MEGF10: variants seen among roughly 807,000 people sequenced by gnomAD.
The protein encoded by MEGF10 is multiple epidermal growth factor-like domains protein 10.
In MEGF10, 86 loss-of-function variants were observed where a neutral mutation model predicts 147.5. The observed-to-expected ratio is 0.58, with a 90% CI of 0.49 to 0.70. The LOEUF (loss-of-function observed/expected upper bound fraction) is 0.70. MEGF10 is among the 30% of genes least tolerant of loss of function. The probability of loss-of-function intolerance (pLI) is 0.00; values close to 1 mark genes in which losing one functional copy is unlikely to be tolerated. For synonymous variants in MEGF10, 478 were observed against 525.5 expected, an observed-to-expected ratio of 0.91 and a Z score of 1.24; for missense variants, 1,329 against 1,487.3, an observed-to-expected ratio of 0.89 and a Z score of 1.75.
intron 4 of MEGF10, among the ~76,000 whole-genome samples, chr5:127,352,909 G>A (rs1002724654): frequency 3.3e-5 from 5 of 152,204 alleles, no homozygotes; most frequent in African/African-American, 7.2e-5. Context: ...TCCCATGGAT[G>A]TGCCCAGCAG....
intron 1 of MEGF10, among the ~76,000 whole-genome samples, chr5:127,317,167 T>C (rs138459343): frequency 2.7e-3 from 412 of 152,288 alleles, no homozygotes; most frequent in Admixed American, 6.5e-3. Flanking sequence ...AAGGGGAGTG[T>C]GGGGTTGTTT....
intron 2 of MEGF10, among the ~76,000 whole-genome samples, chr5:127,336,222 TA>T (rs1353493668): frequency 6.6e-6 from 1 of 151,830 alleles, no homozygotes; most frequent in Non-Finnish European, 1.5e-5. Context: ...AAAATAATTT[TA>T]ATGAGTAAAG....
At chr5:127,380,986 A>T (rs1763237328) in intron 5 of MEGF10, among the ~76,000 whole-genome samples, 1 of 152,148 alleles carries the variant, frequency 6.6e-6, no homozygotes, top group South Asian at 2.1e-4. Context: ...TTATAATGTA[A>T]ACATCAAGGT....
At chr5:127,437,693 AT>A (rs1283094915) in intron 16 of MEGF10, among the ~76,000 whole-genome samples, 2 of 152,158 alleles carry the variant, frequency 1.3e-5, no homozygotes, top group African/African-American at 4.8e-5. Flanking sequence ...TAATGATTTA[AT>A]TGTATTATTT....
At chr5:127,406,020 C>T (rs896225886) in intron 8 of MEGF10, among the ~76,000 whole-genome samples, 9 of 152,082 alleles carry the variant, frequency 5.9e-5, no homozygotes, top group African/African-American at 2.2e-4. Flanking sequence ...ATCCATTTAA[C>T]ATCTTATTAT....
intron 4 of MEGF10, among the ~76,000 whole-genome samples, chr5:127,354,730 A>G (rs1762216126): frequency 6.6e-6 from 1 of 152,154 alleles, no homozygotes; most frequent in Non-Finnish European, 1.5e-5. Flanking sequence ...GAGAAGTTAT[A>G]TTTACTGTTC....
chr5:127,406,856 G>A (rs984495263), intron 8 of MEGF10, among the ~76,000 whole-genome samples: 7 of 152,170 alleles, frequency 4.6e-5, no homozygotes, highest in Admixed American at 3.9e-4. Flanking sequence ...GGGGTTAAAA[G>A]AGTTTCGAAT....
intron 9 of MEGF10, among the ~76,000 whole-genome samples, chr5:127,411,061 C>G (rs549856376): frequency 1.8e-4 from 28 of 152,232 alleles, no homozygotes; most frequent in African/African-American, 6.3e-4. Context: ...AGGAAGTGAA[C>G]TGGTGGAAGT....
rs1445899189 is a variant in MEGF10 at position 127,439,271 on chromosome 5, G to A, written c.2233+704G>A. On this transcript the variant is annotated intron_variant, in intron 17 of 24. Transcript: ENST00000503335. ...AAGCTGAGCATCATTGGGGAAGGAAGATCATTCTCTGACCTCTTACCTTCG... is the reference window on the plus strand; with the variant it reads ...AAGCTGAGCATCATTGGGGAAGGAAAATCATTCTCTGACCTCTTACCTTCG... 2.6e-5 allele frequency among the ~76,000 whole-genome samples: 4 copies of A among 152,202 alleles called. No homozygotes were observed. The East Asian group carries it at 7.7e-4, about 29-fold the overall frequency.
chr5:127,311,182 T>G (rs1760274253), intron 1 of MEGF10, among the ~76,000 whole-genome samples: 1 of 152,232 alleles, frequency 6.6e-6, no homozygotes, highest in Non-Finnish European at 1.5e-5. Context: ...TACTCACTAT[T>G]ATTTCTGGAT....
At chr5:127,332,770 A>T (rs1189888676) in intron 2 of MEGF10, among the ~76,000 whole-genome samples, 2 of 152,204 alleles carry the variant, frequency 1.3e-5, no homozygotes, top group African/African-American at 4.8e-5. Flanking sequence ...CATTTCATCA[A>T]TAAAATATAT....
chr5:127,379,036 C>T (rs990938955), intron 5 of MEGF10, among the ~76,000 whole-genome samples: 21 of 150,170 alleles, frequency 1.4e-4, no homozygotes, highest in Middle Eastern at 3.4e-3. Flanking sequence ...TGTTGTTTAA[C>T]TCCACTTCAT....
At chr5:127,355,010 T>C (rs1762230797) in intron 4 of MEGF10, among the ~76,000 whole-genome samples, 1 of 152,178 alleles carries the variant, frequency 6.6e-6, no homozygotes, top group Admixed American at 6.5e-5. Context: ...TTTAATTATT[T>C]ATCCTGGCTT....
At chr5:127,434,941 T>G in intron 15 of MEGF10, 120 bp downstream of exon 15, 1 of 1,332,156 alleles carries the variant, frequency 7.5e-7, no homozygotes, top group Non-Finnish European at 1.0e-6. Flanking sequence ...TGGGAATGTC[T>G]TCTGCTGTGC....
At chr5:127,241,144 A>T in the MEGF10 span, among the ~76,000 whole-genome samples, 3 of 152,168 alleles carry the variant, frequency 2.0e-5, no homozygotes, top group Non-Finnish European at 4.4e-5. Flanking sequence ...TATTTATATA[A>T]CCCAATAAAA....
intron 1 of MEGF10, among the ~76,000 whole-genome samples, chr5:127,314,565 G>A (rs1249777555): frequency 2.0e-5 from 3 of 152,190 alleles, no homozygotes; most frequent in Non-Finnish European, 4.4e-5. Flanking sequence ...CTGTTAAGTA[G>A]ATCTTGGATG....
chr5:127,380,523 CTT>C (rs11302362), intron 5 of MEGF10, among the ~76,000 whole-genome samples: 4 of 145,090 alleles, frequency 2.8e-5, no homozygotes, highest in African/African-American at 2.5e-5. Context: ...CTTTCCTTTT[CTT>C]TTTTTTTTTT....
intron 5 of MEGF10, among the ~76,000 whole-genome samples, chr5:127,382,257 A>G (rs1287849735): frequency 3.3e-5 from 5 of 152,234 alleles, no homozygotes; most frequent in African/African-American, 1.2e-4. Context: ...AAAAGACAAT[A>G]ATATTTGTCC....
intron 1 of MEGF10, among the ~76,000 whole-genome samples, chr5:127,310,676 C>A (rs917942126): frequency 5.9e-5 from 9 of 152,110 alleles, no homozygotes; most frequent in African/African-American, 1.4e-4. Flanking sequence ...CTCTTCTCTT[C>A]TTCTCAGGGA....
Sources: gnomAD v4.1 joint callset for allele counts (sites outside exome capture counted in the v4.1 genomes callset) on GRCh38, gnomAD v4.1.1 for gene constraint, MANE v1.5 for transcripts, NCBI Gene and HGNC (gene_info 2026-07-23, HGNC 2026-07-21) for gene names.